ZNF496: variants seen among roughly 807,000 people sequenced by gnomAD.
ZNF496 encodes the protein zinc finger protein 496.
Under a neutral mutation model 58.9 loss-of-function variants are expected in ZNF496, and 11 were observed. The observed-to-expected ratio is 0.19, with a 90% CI of 0.12 to 0.31. ZNF496 has a LOEUF of 0.31. Among genes scored for constraint, ZNF496 ranks in the 10% least tolerant of loss-of-function variants. The probability of loss-of-function intolerance (pLI) is 1.00; values close to 1 mark genes in which losing one functional copy is unlikely to be tolerated. For missense variants in ZNF496, 660 were observed against 783.0 expected, an observed-to-expected ratio of 0.84 and a Z score of 1.88; for synonymous variants, 338 against 318.2, an observed-to-expected ratio of 1.06 and a Z score of -0.66.
chr1:247,304,402 G>A (rs1043458252), intron 9 of ZNF496, among the ~76,000 whole-genome samples: 5 of 143,920 alleles, frequency 3.5e-5, no homozygotes, highest in Non-Finnish European at 6.0e-5. Context: ...ATGGGGTTTC[G>A]CTCTTGCTGC....
In ZNF496 at chr1:247,300,366, T is replaced by G; in HGVS notation, c.*153A>C. On this transcript the variant is annotated 3_prime_UTR_variant, in exon 10 of 10. Transcript: ENST00000682384. This position sits in a 1 kb window ranked among gnomAD's most constrained non-coding sequence, Gnocchi z 5.7. ...ACCTGGGGGAGGGAGAGTGCTCCCATGGCACCACCCGAACGCTCACTACCT... is the reference window on the plus strand; with the variant it reads ...ACCTGGGGGAGGGAGAGTGCTCCCAGGGCACCACCCGAACGCTCACTACCT... 1 of 747,586 alleles carries G rather than the reference T, an allele frequency of 1.3e-6. No homozygotes were observed. The highest frequency in any genetic ancestry group is 2.0e-6 in the Non-Finnish European group (1 of 499,676). The allele number at this position is 747,586 out of a possible 1,614,324, so 46.3% of individuals were successfully genotyped here. A position where few individuals can be genotyped will look rare whatever the true frequency, so the allele number is the denominator to read the frequency against.
chr1:247,322,629 C>A (rs1659997291), intron 6 of ZNF496: 1 of 1,010,594 alleles, frequency 9.9e-7, no homozygotes, highest in Non-Finnish European at 1.3e-6. Context: ...CTCCTCAGAG[C>A]ACCCGAGTAA....
intron 9 of ZNF496, among the ~76,000 whole-genome samples, chr1:247,304,860 CT>C (rs1177471207): frequency 2.7e-5 from 3 of 109,100 alleles, no homozygotes. Context: ...TACTTCAAGT[CT>C]AACCCATACC....
At chr1:247,321,654 T>A (rs143158149) in intron 6 of ZNF496, among the ~76,000 whole-genome samples, 220 of 152,324 alleles carry the variant, frequency 1.4e-3, no homozygotes, top group Middle Eastern at 3.4e-3. Flanking sequence ...TACTGACTTA[T>A]CAAAATCTCT....
intron 5 of ZNF496, among the ~76,000 whole-genome samples, chr1:247,327,641 C>A (rs1660173486): frequency 2.6e-5 from 4 of 152,216 alleles, no homozygotes; most frequent in Admixed American, 2.6e-4. Context: ...TATAGTTTTT[C>A]CACACACAGA....
At chr1:247,314,318 T>C (rs1489422103) in intron 6 of ZNF496, among the ~76,000 whole-genome samples, 1 of 151,986 alleles carries the variant, frequency 6.6e-6, no homozygotes, top group African/African-American at 2.4e-5. Context: ...CAGCCTCCCA[T>C]AGGGCTGGGA....
At chr1:247,307,232 C>T in intron 9 of ZNF496, 4 of 985,388 alleles carry the variant, frequency 4.1e-6, no homozygotes, top group Non-Finnish European at 4.8e-6. Flanking sequence ...TTTAGGAAGG[C>T]AAGCTGGCAG....
At chr1:247,325,300 G>C (rs1660086572) in intron 5 of ZNF496, among the ~76,000 whole-genome samples, 1 of 152,206 alleles carries the variant, frequency 6.6e-6, no homozygotes, top group African/African-American at 2.4e-5. Flanking sequence ...GCGTAGATTT[G>C]AGGAGGTGGT....
chr1:247,329,596 G>A lies in ZNF496; in HGVS notation c.-18C>T. The A allele has an allele frequency of 6.5e-7, 1 of 1,530,242 alleles. No homozygotes were observed. The allele number at this position is 1,530,242 out of a possible 1,614,324, so 94.8% of individuals were successfully genotyped here. Reference sequence around the variant, plus strand: ...GTGGGCATGATGGGATTTGATGGGGGTCAGCAGCAGAAGACGACCCTATTT... The same window carrying A: ...GTGGGCATGATGGGATTTGATGGGGATCAGCAGCAGAAGACGACCCTATTT... On this transcript the variant is annotated 5_prime_UTR_variant, in exon 4 of 10. Transcript: ENST00000682384. The surrounding 1 kb of genome is among the most constrained non-coding windows in gnomAD (Gnocchi z 5.5).
rs375177606 is a variant in ZNF496, at chr1:247,329,436, A to T, written c.143T>A (p.Phe48Tyr). 1.2e-6 allele frequency: 2 copies of T among 1,613,162 alleles called. No homozygotes were observed. The highest frequency in any genetic ancestry group is 1.7e-6 in the Non-Finnish European group (2 of 1,179,720). The change falls in exon 4 of 10, where the codon TTC (phenylalanine) becomes TAC (tyrosine). Residue 48 changes from phenylalanine (F) to tyrosine (Y), a missense_variant. Coordinates refer to ENST00000682384, the MANE Select transcript of ZNF496 (RefSeq NM_032752.3). This position sits in a 1 kb window ranked among gnomAD's most constrained non-coding sequence, Gnocchi z 5.5. ...PESSRRLFRR[F>Y]RYQEAAGPRE... The stretch of plus-strand genomic sequence containing the variant: ...GGGGCCCGCCGCCTCCTGGTAGCGG[A>T]AACGGCGGAAGAGACGCCGAGAGGA...
At chr1:247,326,016 GTA>G (rs750086483) in intron 5 of ZNF496, among the ~76,000 whole-genome samples, 10 of 143,574 alleles carry the variant, frequency 7.0e-5, no homozygotes, top group African/African-American at 1.3e-4. Flanking sequence ...TGAGACATAT[GTA>G]TATATATATA....
chr1:247,303,995 T>A (rs1422464091), intron 9 of ZNF496: 2 of 375,016 alleles, frequency 5.3e-6, no homozygotes, highest in African/African-American at 4.3e-5. Context: ...TGCAACCCTG[T>A]GGACTGCATG....
chr1:247,312,795 T>C (rs1428770360), intron 6 of ZNF496: 1 of 152,062 alleles, frequency 6.6e-6, no homozygotes, highest in Non-Finnish European at 1.5e-5. Flanking sequence ...ACACAGGCTT[T>C]TTCTAGCCTG....
At chr1:247,306,514 C>CT (rs371629419) in intron 9 of ZNF496, among the ~76,000 whole-genome samples, 12,765 of 128,438 alleles carry the variant, frequency 0.099, 673 homozygotes, top group Middle Eastern at 0.21. Context: ...TTTTCTTTTT[C>CT]TTTTTTTTTT....
intron 6 of ZNF496, among the ~76,000 whole-genome samples, chr1:247,316,033 T>TC (rs1558153946): frequency 6.6e-6 from 1 of 151,506 alleles, no homozygotes; most frequent in African/African-American, 2.4e-5. Context: ...CCTGTGGGAG[T>TC]CAACTTGATG....
Position 247,303,811 on chromosome 1 carries a change from G to A in ZNF496, c.1007-2535C>T, listed in dbSNP as rs550514829. 1.2e-4 allele frequency among the ~76,000 whole-genome samples: 19 copies of A among 152,240 alleles called. No individual in the cohort carries two copies. In the South Asian group the frequency reaches 2.9e-3, roughly 23 times the overall value. On this transcript the variant is annotated intron_variant, in intron 9 of 9. Coordinates refer to ENST00000682384, the MANE Select transcript of ZNF496 (RefSeq NM_032752.3). ...TTTGGAAAATTCTGTCTATCCATAC[G>A]GCAAAAAATAAGAAAGCGTGCACTG...
intron 6 of ZNF496, among the ~76,000 whole-genome samples, chr1:247,315,059 TC>T (rs1260100393): frequency 3.1e-5 from 2 of 63,590 alleles, no homozygotes; most frequent in Admixed American, 2.2e-4. Context: ...CCTTGACTAG[TC>T]TTTTTTTTTT....
Position 247,299,054 on chromosome 1 carries a change from C to T in ZNF496, c.*1465G>A, listed in dbSNP as rs1392122587. 6.6e-6 allele frequency: 1 copy of T among 152,228 alleles called. No individual in the cohort carries two copies. The highest frequency in any genetic ancestry group is 1.9e-4 in the East Asian group (1 of 5,198). 9.4% of individuals were successfully genotyped at this position (152,228 alleles called of 1,614,324 possible). ...TTTGATGGAATTGTGAGCAAGCTCA[C>T]TCAAGTTTGTATTGACTCATCTGTA... On this transcript the variant is annotated 3_prime_UTR_variant, in exon 10 of 10. Coordinates refer to ENST00000682384, the MANE Select transcript of ZNF496 (RefSeq NM_032752.3).
chr1:247,326,077 CACACACATATAT>C (rs1401521017), intron 5 of ZNF496, among the ~76,000 whole-genome samples: 4 of 150,192 alleles, frequency 2.7e-5, no homozygotes, highest in Non-Finnish European at 4.4e-5. Context: ...TATACACACA[CACACACATATAT>C]ACACACACAT....
Sources: gnomAD v4.1 joint callset for allele counts (sites outside exome capture counted in the v4.1 genomes callset) on GRCh38, gnomAD v4.1.1 for gene constraint, Gnocchi (gnomAD v3.1) non-coding constraint, MANE v1.5 for transcripts, NCBI Gene and HGNC (gene_info 2026-07-23, HGNC 2026-07-21) for gene names.